BCAS3: variants seen among roughly 807,000 people sequenced by gnomAD.
BCAS3 encodes the protein BCAS4/BCAS3 fusion.
A neutral mutation model predicts 116.1 loss-of-function variants in BCAS3; 53 were observed. The ratio of observed to expected loss-of-function variants is 0.46; its 90% CI spans 0.37 to 0.57. The LOEUF is 0.57. BCAS3 is among the 20% of genes least tolerant of loss of function. BCAS3 has a pLI of 0.00. For missense variants in BCAS3, 917 were observed against 1,165.4 expected, an observed-to-expected ratio of 0.79 and a Z score of 3.10; for synonymous variants, 391 against 408.2, an observed-to-expected ratio of 0.96 and a Z score of 0.51.
At chr17:60,854,144 C>T (rs142221424) in intron 7 of BCAS3, among the ~76,000 whole-genome samples, 4,618 of 151,922 alleles carry the variant, frequency 0.03, 178 homozygotes, top group East Asian at 0.092. Context: ...TGAGAACATG[C>T]GGTGTTTGGT....
chr17:60,857,430 T>C (rs1439626000), intron 7 of BCAS3, among the ~76,000 whole-genome samples: 3 of 152,192 alleles, frequency 2.0e-5, no homozygotes, highest in Admixed American at 6.5e-5. Flanking sequence ...CCTTTAAAAA[T>C]AATCCATTAG....
chr17:60,690,822 A>G (rs901099473), intron 4 of BCAS3, among the ~76,000 whole-genome samples: 6 of 151,538 alleles, frequency 4.0e-5, no homozygotes, highest in Non-Finnish European at 8.8e-5. Context: ...CAGGAAGCTG[A>G]GGCAGGAGAA....
rs1363754893 is a variant in BCAS3 at position 61,313,690 on chromosome 17, G to T, written c.2426-54637G>T. On this transcript the variant is annotated intron_variant, in intron 22 of 23. Transcript: ENST00000407086. The surrounding 1 kb of genome is among the most constrained non-coding windows in gnomAD (Gnocchi z 4.3). ...TCTGGAGGAGGACTTTCCGGCCAGG[G>T]TACAGCTCCTCTAGGCTGAGGCAGT... Among the ~76,000 whole-genome samples the T allele has an allele frequency of 6.6e-6, 1 of 152,216 alleles. No individual in the cohort carries two copies. Among genetic ancestry groups the T allele is most frequent in the African/African-American group, 2.4e-5 (1 of 41,444 alleles).
In BCAS3 at chr17:61,145,358, T is replaced by G. The variant is rs1395955130; in HGVS notation, c.2425+60794T>G. Among the ~76,000 whole-genome samples the G allele has an allele frequency of 6.6e-6, 1 of 152,230 alleles. No individual in the cohort carries two copies. The highest frequency in any genetic ancestry group is 1.5e-5 in the Non-Finnish European group (1 of 68,040). ...TGCAGAAAGGAGCAGCCTGACCAAA[T>G]TTACGCTCACAAGATCTCTTAATTC... is the stretch of plus-strand genomic sequence containing the variant. On this transcript the variant is annotated intron_variant, in intron 22 of 23. Coordinates refer to ENST00000407086, the MANE Select transcript of BCAS3 (RefSeq NM_017679.5). This position sits in a 1 kb window ranked among gnomAD's most constrained non-coding sequence, Gnocchi z 5.0.
rs557873111 is a variant in BCAS3 at position 60,964,979 on chromosome 17, A to G, written c.1221+17627A>G. Among the ~76,000 whole-genome samples, 1 of 151,960 alleles carries G rather than the reference A, an allele frequency of 6.6e-6. No individual in the cohort carries two copies. The highest frequency in any genetic ancestry group is 1.9e-4 in the East Asian group (1 of 5,162). ...CTTGTTGATTTTGTTTACATTTTTG[A>G]AAACCAATGTTTTGTTCTATTGATC... is the stretch of plus-strand genomic sequence containing the variant. On this transcript the variant is annotated intron_variant, in intron 14 of 23. Coordinates refer to ENST00000407086, the MANE Select transcript of BCAS3 (RefSeq NM_017679.5). This position sits in a 1 kb window ranked among gnomAD's most constrained non-coding sequence, Gnocchi z 4.6.
chr17:60,803,721 G>A (rs1369296022), intron 6 of BCAS3, among the ~76,000 whole-genome samples: 3 of 150,040 alleles, frequency 2.0e-5, no homozygotes, highest in Non-Finnish European at 4.4e-5. Context: ...AAATGAAAAA[G>A]CACAAAGTAT....
chr17:60,918,309 A>T (rs1223315707), intron 12 of BCAS3, among the ~76,000 whole-genome samples: 1 of 152,192 alleles, frequency 6.6e-6, no homozygotes, highest in African/African-American at 2.4e-5. Context: ...TCTTTAAAAA[A>T]TTGATACATA....
At chr17:61,177,183 T>C (rs2079197302) in intron 22 of BCAS3, among the ~76,000 whole-genome samples, 1 of 152,200 alleles carries the variant, frequency 6.6e-6, no homozygotes, top group Admixed American at 6.5e-5. Context: ...TCATATGATC[T>C]AGCCATTCCA....
intron 9 of BCAS3, among the ~76,000 whole-genome samples, chr17:60,889,071 C>G (rs1339144394): frequency 1.3e-5 from 2 of 152,182 alleles, no homozygotes; most frequent in African/African-American, 4.8e-5. Flanking sequence ...AGAAAATAAA[C>G]AGTAAATATA....
At chr17:60,767,499 C>T (rs1280444057) in intron 6 of BCAS3, among the ~76,000 whole-genome samples, 2 of 151,778 alleles carry the variant, frequency 1.3e-5, no homozygotes, top group African/African-American at 2.4e-5. Context: ...CATACACCAC[C>T]ACTCCCGGCT....
intron 11 of BCAS3, among the ~76,000 whole-genome samples, chr17:60,908,412 C>G (rs1185827154): frequency 6.6e-6 from 1 of 152,144 alleles, no homozygotes; most frequent in Non-Finnish European, 1.5e-5. Context: ...CAACCAAAGA[C>G]TTTAAAACTA....
intron 19 of BCAS3, among the ~76,000 whole-genome samples, chr17:61,050,827 A>G (rs947184911): frequency 1.4e-4 from 21 of 152,084 alleles, no homozygotes; most frequent in African/African-American, 5.1e-4. Context: ...CAGAATACAC[A>G]TTCTTTTCAA....
At chr17:60,753,986 G>A (rs1471309893) in intron 6 of BCAS3, among the ~76,000 whole-genome samples, 1 of 152,090 alleles carries the variant, frequency 6.6e-6, no homozygotes, top group Non-Finnish European at 1.5e-5. Context: ...ATGCTACTTT[G>A]TATAAAGTGT....
At chr17:61,288,117 C>T (rs1030975476) in intron 22 of BCAS3, among the ~76,000 whole-genome samples, 4 of 152,230 alleles carry the variant, frequency 2.6e-5, no homozygotes, top group Admixed American at 2.6e-4. Context: ...CAGCAAGTCA[C>T]TCCCTGTCTC....
intron 7 of BCAS3, among the ~76,000 whole-genome samples, chr17:60,850,820 C>G (rs2053073805): frequency 6.6e-6 from 1 of 151,960 alleles, no homozygotes; most frequent in Non-Finnish European, 1.5e-5. Context: ...AGCAAAAGAT[C>G]TATATGAGTA....
chr17:60,831,400 C>T (rs1334712582), intron 7 of BCAS3, among the ~76,000 whole-genome samples: 1 of 152,048 alleles, frequency 6.6e-6, no homozygotes, highest in African/African-American at 2.4e-5. Context: ...TGGTCTCGAA[C>T]TCCTGACCTC....
intron 5 of BCAS3, among the ~76,000 whole-genome samples, chr17:60,734,065 A>T (rs1395157139): frequency 6.6e-6 from 1 of 152,096 alleles, no homozygotes; most frequent in Non-Finnish European, 1.5e-5. Flanking sequence ...GTATCAAAAA[A>T]GTCATCACTA....
chr17:60,774,792 CAAAT>C (rs2045108575), intron 6 of BCAS3, among the ~76,000 whole-genome samples: 1 of 152,206 alleles, frequency 6.6e-6, no homozygotes, highest in African/African-American at 2.4e-5. Context: ...TGACAATACT[CAAAT>C]GAATGAGTGG....
At chr17:61,264,562 C>T (rs115426429) in intron 22 of BCAS3, among the ~76,000 whole-genome samples, 7,478 of 152,104 alleles carry the variant, frequency 0.049, 235 homozygotes, top group East Asian at 0.087. Context: ...GATGTGCCAC[C>T]GCGTCCAGCT....
Sources: allele counts gnomAD v4.1 joint callset (sites outside exome capture counted in the v4.1 genomes callset), GRCh38; gene constraint gnomAD v4.1.1; non-coding constraint Gnocchi (gnomAD v3.1); transcripts MANE v1.5; gene names NCBI Gene and HGNC (gene_info 2026-07-23, HGNC 2026-07-21).